PIP5K1B: variants seen among roughly 807,000 people sequenced by gnomAD.
PIP5K1B encodes phosphatidylinositol-4-phosphate 5-kinase type 1 beta, also known as phosphatidylinositol 4-phosphate 5-kinase type-1 beta.
PIP5K1B carries 42 observed loss-of-function variants against 67.0 expected under a neutral mutation model. That is an observed-to-expected ratio of 0.63 (90% CI 0.49 to 0.81). The LOEUF is 0.81. Ranked by LOEUF, PIP5K1B falls within the 30% of genes least tolerant of loss-of-function variation. The probability of loss-of-function intolerance (pLI) is 0.00; values close to 1 mark genes in which losing one functional copy is unlikely to be tolerated. For synonymous variants in PIP5K1B, 214 were observed against 231.4 expected (o/e 0.92, Z 0.68); for missense variants, 459 against 646.3 (o/e 0.71, Z 3.14).
chr9:68,793,185 AG>A (rs1399417633), intron 2 of PIP5K1B, among the ~76,000 whole-genome samples: 2 of 103,466 alleles, frequency 1.9e-5, no homozygotes, highest in Non-Finnish European at 4.5e-5. Context: ...AAATAGTTAG[AG>A]GGGGGTTAGA....
At chr9:68,945,627 A>T (rs946347165) in intron 14 of PIP5K1B, among the ~76,000 whole-genome samples, 3 of 152,226 alleles carry the variant, frequency 2.0e-5, no homozygotes, top group African/African-American at 7.2e-5. Context: ...GGCCATGTTA[A>T]GCCCTTTATA....
chr9:68,733,175 G>A (rs1828536864), intron 1 of PIP5K1B, among the ~76,000 whole-genome samples: 1 of 152,158 alleles, frequency 6.6e-6, no homozygotes, highest in Admixed American at 6.5e-5. Flanking sequence ...AAAATTTCCA[G>A]TGGGAAATGA....
rs11144460 is a variant in PIP5K1B, at chr9:68,950,229, C to G, written c.1502+9439C>G. Among the ~76,000 whole-genome samples, 1,129 of 152,270 alleles carry G rather than the reference C, an allele frequency of 7.4e-3. 11 individuals are homozygous for G. The highest frequency in any genetic ancestry group is 0.025 in the African/African-American group (1,049 of 41,552). On this transcript the variant is annotated intron_variant, in intron 14 of 15. Transcript: ENST00000265382. ...GGTTCTGTAGTCAAGCAGGGTAATT[C>G]TCTTTCAGATTCCTTGGCCTCCACT...
intron 15 of PIP5K1B, among the ~76,000 whole-genome samples, chr9:68,999,585 A>G (rs900775797): frequency 6.6e-6 from 1 of 152,198 alleles, no homozygotes; most frequent in Admixed American, 6.5e-5. Flanking sequence ...AAACCTCTAC[A>G]CACACCAGAG....
intron 2 of PIP5K1B, among the ~76,000 whole-genome samples, chr9:68,767,962 C>A (rs67047473): frequency 0.28 from 42,295 of 151,842 alleles, 6,183 homozygotes; most frequent in Admixed American, 0.33. Flanking sequence ...GACACACATT[C>A]CCAAATAAAA....
chr9:68,790,591 A>G (rs1564138058), intron 2 of PIP5K1B, among the ~76,000 whole-genome samples: 1 of 138,738 alleles, frequency 7.2e-6, no homozygotes. Flanking sequence ...AACGCACATG[A>G]GCGCGCACAC....
rs764959169 is a variant in PIP5K1B, at chr9:68,901,254, G to GTTTTGT, written c.771+6633_771+6638dup. ...TTGACTCCACACTCCTAAATTACTT[G>GTTTTGT]TTTTGTTTTTGTTTTTGTTTTTTGA... On this transcript the variant is annotated intron_variant, in intron 8 of 15. Transcript: ENST00000265382. Among the ~76,000 whole-genome samples the GTTTTGT allele has an allele frequency of 2.9e-4, 44 of 152,164 alleles. 1 individual carries two copies. Among genetic ancestry groups the GTTTTGT allele is most frequent in the South Asian group, 2.7e-3 (13 of 4,820 alleles).
chr9:68,917,735 G>T lies in PIP5K1B; in HGVS notation c.959G>T (p.Gly320Val). The T allele has an allele frequency of 6.2e-7, 1 of 1,613,950 alleles. No individual in the cohort carries two copies. The highest frequency in any genetic ancestry group is 8.5e-7 in the Non-Finnish European group (1 of 1,179,870). ...SIQGPGKSGD[G>V]IITENPDTMG... ...CAGGGTCCAGGGAAATCTGGAGATG[G>T]GATAATCACAGAGAACCCAGACACG... Residue 320 changes from glycine (G) to valine (V), a missense_variant, in exon 9 of 16, where the codon GGG becomes GTG. Transcript: ENST00000265382.
In PIP5K1B at chr9:68,933,111, AAAG is replaced by A. The variant is rs1407927755; in HGVS notation, c.1202-1769_1202-1767del. 3.9e-5 allele frequency among the ~76,000 whole-genome samples: 6 copies of A among 151,938 alleles called. No homozygotes were observed. The South Asian group carries it at 6.2e-4, about 16-fold the overall frequency. On this transcript the variant is annotated intron_variant, in intron 12 of 15. Transcript: ENST00000265382. Reference sequence around the variant, plus strand: ...CAAAACTCCGTCTCAAAAAAAAAAAAAAGAAGAAGAAGCAGTTTTAAAATACTA... The same window carrying A: ...CAAAACTCCGTCTCAAAAAAAAAAAAAAGAAGAAGCAGTTTTAAAATACTA...
chr9:68,706,800 G>T (rs1340778573), intron 1 of PIP5K1B, among the ~76,000 whole-genome samples: 3 of 152,144 alleles, frequency 2.0e-5, no homozygotes, highest in Admixed American at 2.0e-4. Context: ...TCTGAGTCTC[G>T]GTTTGGGGAA....
intron 14 of PIP5K1B, among the ~76,000 whole-genome samples, chr9:68,974,094 T>C (rs1829522579): frequency 6.6e-6 from 1 of 152,134 alleles, no homozygotes; most frequent in Non-Finnish European, 1.5e-5. Flanking sequence ...GGTTTCAAAC[T>C]CCTGGACTCA....
chr9:68,957,336 G>A (rs912363274), intron 14 of PIP5K1B, among the ~76,000 whole-genome samples: 1 of 152,132 alleles, frequency 6.6e-6, no homozygotes, highest in Non-Finnish European at 1.5e-5. Flanking sequence ...GCAGCTCATG[G>A]CCAGAAGTGG....
At chr9:68,934,543 A>G (rs1827158026) in intron 12 of PIP5K1B, among the ~76,000 whole-genome samples, 2 of 152,208 alleles carry the variant, frequency 1.3e-5, no homozygotes, top group South Asian at 4.1e-4. Flanking sequence ...CCAGCACTAG[A>G]AAAACATTGT....
At chr9:68,825,960 C>T (rs184867468) in intron 4 of PIP5K1B, among the ~76,000 whole-genome samples, 10 of 152,240 alleles carry the variant, frequency 6.6e-5, no homozygotes, top group South Asian at 4.2e-4. Context: ...TTACACTTTG[C>T]GTCTCAGCTA....
intron 4 of PIP5K1B, among the ~76,000 whole-genome samples, chr9:68,847,649 G>A (rs1822266141): frequency 6.6e-6 from 1 of 151,962 alleles, no homozygotes. Context: ...GCCCCATATA[G>A]GACACCTTTT....
intron 4 of PIP5K1B, among the ~76,000 whole-genome samples, chr9:68,847,910 G>A (rs1822277796): frequency 6.6e-6 from 1 of 152,180 alleles, no homozygotes. Flanking sequence ...TTTTAGCTGG[G>A]CCTGTGCTAA....
intron 13 of PIP5K1B, 65 bp from the exon 14 acceptor site, chr9:68,940,581 T>C (rs1827506540): frequency 1.4e-6 from 2 of 1,470,528 alleles, no homozygotes; most frequent in Non-Finnish European, 1.9e-6. Context: ...ATTTCAATTA[T>C]TATAGATACT....
chr9:68,941,662 C>T (rs1158570738), intron 14 of PIP5K1B, among the ~76,000 whole-genome samples: 1 of 152,182 alleles, frequency 6.6e-6, no homozygotes, highest in Non-Finnish European at 1.5e-5. Flanking sequence ...ACCTAGCTCT[C>T]AATAATCAAG....
intron 14 of PIP5K1B, among the ~76,000 whole-genome samples, chr9:68,973,560 C>T (rs1458831929): frequency 6.6e-6 from 1 of 152,140 alleles, no homozygotes; most frequent in Non-Finnish European, 1.5e-5. Context: ...TGGCTAAGCA[C>T]ATTAATACAT....
Sources: allele counts gnomAD v4.1 joint callset (sites outside exome capture counted in the v4.1 genomes callset), GRCh38; gene constraint gnomAD v4.1.1; transcripts MANE v1.5; gene names NCBI Gene and HGNC (gene_info 2026-07-23, HGNC 2026-07-21).